MDFIC2: variants seen among roughly 807,000 people sequenced by gnomAD.
The protein encoded by MDFIC2 is myoD family inhibitor domain-containing protein 2.
intron 2 of MDFIC2, among the ~76,000 whole-genome samples, chr3:70,279,693 C>A (rs1259897636): frequency 6.6e-6 from 1 of 152,176 alleles, no homozygotes; most frequent in Non-Finnish European, 1.5e-5. Context: ...CAGATGCAAA[C>A]ACACACCCTG....
intron 2 of MDFIC2, among the ~76,000 whole-genome samples, chr3:70,237,012 A>C (rs957542135): frequency 1.3e-5 from 2 of 152,222 alleles, no homozygotes; most frequent in African/African-American, 2.4e-5. Context: ...TCAAGGCAAC[A>C]TCTCCACTTC....
intron 2 of MDFIC2, chr3:70,249,669 C>T (rs1403770111): frequency 6.6e-6 from 1 of 152,108 alleles, no homozygotes; most frequent in East Asian, 1.9e-4. Context: ...AGTACCAGCA[C>T]AGTGAGAGTC....
intron 2 of MDFIC2, among the ~76,000 whole-genome samples, chr3:70,277,519 G>C (rs888754966): frequency 3.9e-5 from 6 of 152,096 alleles, no homozygotes; most frequent in Non-Finnish European, 5.9e-5. Context: ...ATCTCTGAAC[G>C]AACAGACCGC....
intron 2 of MDFIC2, among the ~76,000 whole-genome samples, chr3:70,268,229 G>T (rs1460061905): frequency 1.3e-5 from 2 of 152,082 alleles, no homozygotes; most frequent in East Asian, 3.9e-4. Context: ...CCAGCACTTT[G>T]GGGGGCCAAG....
intron 2 of MDFIC2, among the ~76,000 whole-genome samples, chr3:70,267,679 G>T (rs1360091112): frequency 2.7e-5 from 4 of 150,842 alleles, no homozygotes; most frequent in African/African-American, 4.9e-5. Flanking sequence ...GCCTCCCAGA[G>T]TGCTGGGATT....
chr3:70,237,979 CTTTTTTTT>C (rs71672662), intron 2 of MDFIC2, among the ~76,000 whole-genome samples: 12 of 48,942 alleles, frequency 2.5e-4, no homozygotes, highest in African/African-American at 3.2e-4. Context: ...TGAGTGGTAT[CTTTTTTTT>C]TTTTTTTTTT....
intron 3 of MDFIC2, among the ~76,000 whole-genome samples, chr3:70,204,243 C>T (rs1433449554): frequency 6.6e-6 from 1 of 152,098 alleles, no homozygotes; most frequent in Non-Finnish European, 1.5e-5. Context: ...TCTCTTTTCC[C>T]TTCTGTTTTC....
At chr3:70,308,175 C>G (rs1311222968) in intron 2 of MDFIC2, among the ~76,000 whole-genome samples, 2 of 152,094 alleles carry the variant, frequency 1.3e-5, no homozygotes, top group African/African-American at 2.4e-5. Context: ...CTCAGTCTGT[C>G]TAGTAGTTGG....
At position 70,299,956 on chromosome 3, in the gene MDFIC2, C is replaced by T. The variant is rs377368823; in HGVS notation, c.88+11930G>A. On this transcript the variant is annotated intron_variant, in intron 2 of 3. Coordinates refer to ENST00000567252, the MANE Select transcript of MDFIC2 (RefSeq NM_001364677.1). ...CCTTTCTCCAGTCAAACGTAGCTAT[C>T]GTTCTCTGAAAAGAACATACCCCAG... Among the ~76,000 whole-genome samples the T allele has an allele frequency of 6.6e-5, 10 of 152,190 alleles. No homozygotes were observed. The East Asian group carries it at 1.5e-3, about 24-fold the overall frequency.
chr3:70,255,615 C>G (rs565376052), intron 2 of MDFIC2, among the ~76,000 whole-genome samples: 2 of 152,096 alleles, frequency 1.3e-5, no homozygotes, highest in South Asian at 4.1e-4. Flanking sequence ...GCATGCACCA[C>G]CAAGCCTGGC....
At chr3:70,251,859 A>C (rs555635524) in intron 2 of MDFIC2, among the ~76,000 whole-genome samples, 3 of 152,200 alleles carry the variant, frequency 2.0e-5, no homozygotes, top group Admixed American at 6.5e-5. Context: ...GATAAGCAAG[A>C]AAGAAATAAA....
intron 2 of MDFIC2, among the ~76,000 whole-genome samples, chr3:70,220,110 A>T (rs777453341): frequency 3.3e-5 from 5 of 151,980 alleles, no homozygotes; most frequent in Non-Finnish European, 5.9e-5. Context: ...CTGGCCTCAA[A>T]TTTTTTTTGT....
chr3:70,257,001 A>C (rs1445712499), intron 2 of MDFIC2, among the ~76,000 whole-genome samples: 3 of 152,192 alleles, frequency 2.0e-5, no homozygotes, highest in Non-Finnish European at 4.4e-5. Flanking sequence ...GAGGAGGGCA[A>C]GTCCAGTGGT....
chr3:70,263,654 C>G (rs1701888530), intron 2 of MDFIC2, among the ~76,000 whole-genome samples: 1 of 152,164 alleles, frequency 6.6e-6, no homozygotes, highest in South Asian at 2.1e-4. Context: ...CTCAAGGGAG[C>G]CCTACGCAAA....
At chr3:70,213,886 C>T (rs1701377115) in intron 2 of MDFIC2, among the ~76,000 whole-genome samples, 1 of 151,914 alleles carries the variant, frequency 6.6e-6, no homozygotes, top group Non-Finnish European at 1.5e-5. Context: ...TGAAAACATA[C>T]TATGGCTGAA....
At chr3:70,284,068 T>A (rs1702116507) in intron 2 of MDFIC2, among the ~76,000 whole-genome samples, 1 of 152,126 alleles carries the variant, frequency 6.6e-6, no homozygotes, top group Non-Finnish European at 1.5e-5. Flanking sequence ...ATGAACTTGG[T>A]TTTAAACCTC....
intron 2 of MDFIC2, among the ~76,000 whole-genome samples, chr3:70,239,312 G>T (rs1467740337): frequency 6.6e-6 from 1 of 152,050 alleles, no homozygotes; most frequent in Admixed American, 6.6e-5. Context: ...CTTGCCCAAG[G>T]TCCAAGTCTT....
rs538495091 is a variant in MDFIC2, at chr3:70,290,814, C to T, written c.88+21072G>A. On this transcript the variant is annotated intron_variant, in intron 2 of 3. Coordinates refer to ENST00000567252, the MANE Select transcript of MDFIC2 (RefSeq NM_001364677.1). ...AAGCGCAGTATTCGGGTGGGAGTGACCCGATTTTCCAGGTGCGGTCCTCAC... is the reference window on the plus strand; with the variant it reads ...AAGCGCAGTATTCGGGTGGGAGTGATCCGATTTTCCAGGTGCGGTCCTCAC... Among the ~76,000 whole-genome samples, 18 of 152,268 alleles carry T rather than the reference C, an allele frequency of 1.2e-4. No homozygotes were observed. The South Asian group carries it at 3.3e-3, about 28-fold the overall frequency.
intron 2 of MDFIC2, among the ~76,000 whole-genome samples, chr3:70,233,033 A>C (rs1701575723): frequency 6.6e-6 from 1 of 152,220 alleles, no homozygotes; most frequent in East Asian, 1.9e-4. Context: ...TACTGAAAAT[A>C]CAAAAATTAG....
Sources: gnomAD v4.1 joint callset for allele counts (sites outside exome capture counted in the v4.1 genomes callset) on GRCh38, gnomAD v4.1.1 for gene constraint, MANE v1.5 for transcripts, NCBI Gene and HGNC (gene_info 2026-07-23, HGNC 2026-07-21) for gene names.